ELP2: variants seen among roughly 807,000 people sequenced by gnomAD.
The protein encoded by ELP2 is elongator acetyltransferase complex subunit 2.
ELP2 carries 90 observed loss-of-function variants against 119.2 expected under a neutral mutation model. That is an observed-to-expected ratio of 0.75 (90% CI 0.64 to 0.90). The LOEUF (loss-of-function observed/expected upper bound fraction) is 0.90. Among genes scored for constraint, ELP2 ranks in the 40% least tolerant of loss-of-function variants. The pLI, the probability that ELP2 is intolerant of heterozygous loss-of-function variation, is 0.00. For synonymous variants in ELP2, 339 were observed against 331.0 expected (o/e 1.02, Z -0.26); for missense variants, 921 against 967.8 (o/e 0.95, Z 0.64).
intron 3 of ELP2, among the ~76,000 whole-genome samples, chr18:36,136,908 T>C (rs2089846065): frequency 1.3e-5 from 2 of 152,228 alleles, no homozygotes; most frequent in Non-Finnish European, 2.9e-5. Context: ...CCCACACTTC[T>C]GTCATGTTAT....
chr18:36,159,872 A>G (rs1418136466), intron 15 of ELP2, 42 bp downstream of exon 15: 2 of 1,605,108 alleles, frequency 1.2e-6, no homozygotes, highest in Non-Finnish European at 1.7e-6. Context: ...GCTAGAACAC[A>G]CAGTATGTTA....
At chr18:36,174,034 G>A (rs531387928) in intron 21 of ELP2, among the ~76,000 whole-genome samples, 1 of 152,150 alleles carries the variant, frequency 6.6e-6, no homozygotes, top group Non-Finnish European at 1.5e-5. Context: ...TCTTTACCCA[G>A]TAGTAAAAAT....
intron 12 of ELP2, among the ~76,000 whole-genome samples, chr18:36,155,984 A>G (rs943165771): frequency 6.6e-6 from 1 of 152,168 alleles, no homozygotes; most frequent in Non-Finnish European, 1.5e-5. Flanking sequence ...CAGTGGAACT[A>G]ATGTTTCTGT....
chr18:36,139,469 G>A, intron 5 of ELP2: 1 of 1,535,704 alleles, frequency 6.5e-7, no homozygotes, highest in Non-Finnish European at 8.7e-7. Context: ...GAAGCCACCA[G>A]CCTCTCTCGC....
Position 36,170,143 on chromosome 18 carries a change from G to T in ELP2, c.2157G>T (p.Val719=). ...GCCCCTGCTCCTCAGTCCTGGACGT[G>T]GGTGGGGCTGTGACAGCTGTCAGCG... The part of the protein sequence containing the change: ...NIGPCSSVLD[V]GGAVTAVSVC... Residue 719 remains valine (V), a synonymous_variant, in exon 20 of 22, where the codon GTG becomes GTT. Transcript: ENST00000358232. The T allele has an allele frequency of 6.2e-7, 1 of 1,614,076 alleles. No individual in the cohort carries two copies. The highest frequency in any genetic ancestry group is 1.1e-5 in the South Asian group (1 of 91,078).
In ELP2 at chr18:36,154,875, T is replaced by C. The variant is rs1404208223; in HGVS notation, c.1151T>C (p.Ile384Thr). The C allele has an allele frequency of 3.1e-6, 5 of 1,614,018 alleles. No individual in the cohort carries two copies. Among genetic ancestry groups the C allele is most frequent in the Non-Finnish European group, 4.2e-6 (5 of 1,180,000 alleles). ...NPREWTPEIVISGHFDGVQDL... is the reference protein window; with the variant it reads ...NPREWTPEIVTSGHFDGVQDL... ...AGAGAGTGGACTCCAGAGATTGTCA[T>C]TTCAGGACACTTTGATGGTGTCCAA... Residue 384 changes from isoleucine (I) to threonine (T), a missense_variant, in exon 12 of 22, where the codon ATT becomes ACT. By Grantham distance (89) the Ile-to-Thr change is moderately conservative. Coordinates refer to ENST00000358232, the MANE Select transcript of ELP2 (RefSeq NM_018255.4).
Position 36,178,356 on chromosome 18 carries a change from A to G in ELP2, c.*3715A>G, listed in dbSNP as rs1330378793. 1 of 152,224 alleles carries G rather than the reference A, an allele frequency of 6.6e-6. No homozygotes were observed. The highest frequency in any genetic ancestry group is 1.5e-5 in the Non-Finnish European group (1 of 68,082). 9.4% of individuals were successfully genotyped at this position (152,224 alleles called of 1,614,324 possible). Reference sequence around the variant, plus strand: ...GTTACCAGGGGCTGGGAATGGGGAGAGGAGTGACTACAGAGGGACCTAGAT... The same window carrying G: ...GTTACCAGGGGCTGGGAATGGGGAGGGGAGTGACTACAGAGGGACCTAGAT... On this transcript the variant is annotated 3_prime_UTR_variant, in exon 22 of 22. Transcript: ENST00000358232.
In ELP2 at chr18:36,149,483, G is replaced by GTTTTTTTTTT. The variant is rs561853812; in HGVS notation, c.1125+3106_1125+3107insTTTTTTTTTT. Among the ~76,000 whole-genome samples, 316 of 101,792 alleles carry GTTTTTTTTTT rather than the reference G, an allele frequency of 3.1e-3. 14 individuals are homozygous for GTTTTTTTTTT. The highest frequency in any genetic ancestry group is 4.2e-3 in the Admixed American group (33 of 7,798). 66.8% of individuals were successfully genotyped at this position (101,792 alleles called of 152,430 possible). The stretch of plus-strand genomic sequence containing the variant: ...ACATAGTTGCAGGGTTTTTTGTTTT[G>GTTTTTTTTTT]TTTTGTTTTTTTTTTTTTTGCTTAG... On this transcript the variant is annotated intron_variant, in intron 11 of 21. Coordinates refer to ENST00000358232, the MANE Select transcript of ELP2 (RefSeq NM_018255.4).
chr18:36,144,914 A>G, intron 8 of ELP2, 25 bp from the exon 9 acceptor site: 1 of 1,564,980 alleles, frequency 6.4e-7, no homozygotes, highest in African/African-American at 1.4e-5. Context: ...TTGAGGAAAT[A>G]ATACCTTCAT....
intron 9 of ELP2, 26 bp downstream of exon 9, chr18:36,145,060 C>T (rs748557178): frequency 6.5e-7 from 1 of 1,544,380 alleles, no homozygotes; most frequent in Non-Finnish European, 9.0e-7. Context: ...TACACATATC[C>T]CTTACTCCAG....
intron 19 of ELP2, among the ~76,000 whole-genome samples, chr18:36,168,207 A>G (rs2090963936): frequency 6.6e-6 from 1 of 152,218 alleles, no homozygotes; most frequent in Non-Finnish European, 1.5e-5. Flanking sequence ...CACTCAGGCT[A>G]AACACTTACA....
At position 36,162,499 on chromosome 18, in the gene ELP2, T is replaced by G. The variant is rs538319489; in HGVS notation, c.1761+1495T>G. Among the ~76,000 whole-genome samples, 20 of 152,352 alleles carry G rather than the reference T, an allele frequency of 1.3e-4. 1 individual carries two copies. The South Asian group carries it at 3.5e-3, about 27-fold the overall frequency. On this transcript the variant is annotated intron_variant, in intron 17 of 21. Coordinates refer to ENST00000358232, the MANE Select transcript of ELP2 (RefSeq NM_018255.4). ...GGACATTTGGGTTGTTTTCCAGTTT[T>G]GGGCTTTTACTCATGGTACAGTTAT... is the stretch of plus-strand genomic sequence containing the variant.
intron 9 of ELP2, 61 bp downstream of exon 9, chr18:36,145,095 G>T: frequency 7.6e-7 from 1 of 1,316,134 alleles, no homozygotes; most frequent in South Asian, 1.2e-5. Context: ...ACAGTAAGCT[G>T]ACCAAATCAA....
At chr18:36,138,663 C>A in intron 4 of ELP2, 132 bp from the exon 5 acceptor site, 1 of 898,904 alleles carries the variant, frequency 1.1e-6, no homozygotes, top group Middle Eastern at 2.2e-4. Flanking sequence ...TTCACATGGT[C>A]AGTGGGGGCT....
intron 5 of ELP2, among the ~76,000 whole-genome samples, chr18:36,139,175 AATTCTT>A (rs2089935790): frequency 6.6e-6 from 1 of 152,218 alleles, no homozygotes; most frequent in Non-Finnish European, 1.5e-5. Context: ...GAAAGAATCT[AATTCTT>A]TAGAAGGTGA....
chr18:36,149,292 G>A (rs1359355272), intron 11 of ELP2, among the ~76,000 whole-genome samples: 1 of 152,036 alleles, frequency 6.6e-6, no homozygotes, highest in Admixed American at 6.6e-5. Context: ...AGTCTACTAC[G>A]TTCAGACAGG....
In ELP2 at chr18:36,144,939, G is replaced by A. The variant is rs1010798281; in HGVS notation, c.797G>A (p.Ser266Asn). The A allele has an allele frequency of 1.2e-6, 2 of 1,610,516 alleles. No homozygotes were observed. Among genetic ancestry groups the A allele is most frequent in the African/African-American group, 1.3e-5 (1 of 74,910 alleles). ...AATACCTTCATTGCTTTTGTTATAGGTGTTAAAATAGCATTTGCTGTTACT... is the reference window on the plus strand; with the variant it reads ...AATACCTTCATTGCTTTTGTTATAGATGTTAAAATAGCATTTGCTGTTACT... ...KENTFTIENE[S>N]VKIAFAVTLE... Residue 266 changes from serine to asparagine, a missense_variant and splice_region_variant, in exon 9 of 22, where the codon AGT (serine) becomes AAT (asparagine). By Grantham distance (46) the Ser-to-Asn change is conservative. Transcript: ENST00000358232.
chr18:36,156,394 T>C, intron 12 of ELP2, 72 bp from the exon 13 acceptor site: 2 of 1,413,090 alleles, frequency 1.4e-6, no homozygotes, highest in Non-Finnish European at 2.0e-6. Flanking sequence ...AGTAAATAAT[T>C]TTCATCTAAT....
intron 11 of ELP2, among the ~76,000 whole-genome samples, chr18:36,153,764 G>A (rs1196326830): frequency 6.6e-6 from 1 of 151,766 alleles, no homozygotes; most frequent in East Asian, 1.9e-4. Context: ...AAAGTGACTT[G>A]TTTTTTATAT....
Sources: gnomAD v4.1 joint callset for allele counts (sites outside exome capture counted in the v4.1 genomes callset) on GRCh38, gnomAD v4.1.1 for gene constraint, MANE v1.5 for transcripts, NCBI Gene and HGNC (gene_info 2026-07-23, HGNC 2026-07-21) for gene names.